The following CFAP20DC variants were observed in gnomAD, a reference collection of about 807,000 sequenced individuals.
CFAP20DC encodes the protein protein CFAP20DC.
In CFAP20DC, 84 loss-of-function variants were observed where a neutral mutation model predicts 101.7. That is an observed-to-expected ratio of 0.83 (90% CI 0.69 to 0.99). CFAP20DC has a LOEUF of 0.99. CFAP20DC is among the 50% of genes least tolerant of loss of function. CFAP20DC has a pLI of 0.00. For synonymous variants in CFAP20DC, 359 were observed against 351.2 expected, an observed-to-expected ratio of 1.02 and a Z score of -0.25; for missense variants, 1,007 against 970.3, an observed-to-expected ratio of 1.04 and a Z score of -0.50.
intron 4 of CFAP20DC, among the ~76,000 whole-genome samples, chr3:58,996,994 C>T (rs991663253): frequency 6.6e-6 from 1 of 152,186 alleles, no homozygotes; most frequent in Non-Finnish European, 1.5e-5. Flanking sequence ...TGGTGGGAAG[C>T]ACTCCAGGAG....
rs1447076257 is a variant in CFAP20DC, at chr3:58,933,648, T to G, written c.393+4000A>C. ...CAAAACCACTCAACTACATGGAAAC[T>G]GAACAACCTGCTCCTGAATGACTAC... is the stretch of plus-strand genomic sequence containing the variant. On this transcript the variant is annotated intron_variant, in intron 5 of 16. Coordinates refer to ENST00000482387, the MANE Select transcript of CFAP20DC (RefSeq NM_001394063.1). Among the ~76,000 whole-genome samples the G allele has an allele frequency of 3.3e-5, 5 of 152,226 alleles. No individual in the cohort carries two copies. The South Asian group carries it at 8.3e-4, about 25-fold the overall frequency.
chr3:58,979,415 T>G (rs1257132811), intron 4 of CFAP20DC, among the ~76,000 whole-genome samples: 1 of 152,238 alleles, frequency 6.6e-6, no homozygotes, highest in Non-Finnish European at 1.5e-5. Context: ...GTGCACTATG[T>G]GTTAGCTGTT....
At chr3:59,000,310 G>A (rs2093273490) in intron 4 of CFAP20DC, among the ~76,000 whole-genome samples, 1 of 152,170 alleles carries the variant, frequency 6.6e-6, no homozygotes, top group African/African-American at 2.4e-5. Context: ...GGCCAGGAGT[G>A]GGTATGGATA....
chr3:58,821,063 A>C (rs2107913061), intron 14 of CFAP20DC, among the ~76,000 whole-genome samples: 1 of 151,930 alleles, frequency 6.6e-6, no homozygotes, highest in East Asian at 1.9e-4. Flanking sequence ...CTATTTAATA[A>C]ATGGTGCTGG....
At chr3:58,994,559 T>C (rs2093050463) in intron 4 of CFAP20DC, among the ~76,000 whole-genome samples, 1 of 152,148 alleles carries the variant, frequency 6.6e-6, no homozygotes, top group Non-Finnish European at 1.5e-5. Context: ...CTTCTCCTCG[T>C]CAAATAACAA....
Position 58,814,794 on chromosome 3 carries a change from C to T in CFAP20DC, c.2176-8338G>A, listed in dbSNP as rs808474. 4.9e-4 allele frequency among the ~76,000 whole-genome samples: 74 copies of T among 150,892 alleles called. 1 individual carries two copies. The highest frequency in any genetic ancestry group is 1.4e-3 in the African/African-American group (56 of 40,540). Reference sequence around the variant, plus strand: ...AGAAGAAAATACCTAGGAATCCAACCTACAAGGGATGTGAAGGACCTCTTC... The same window carrying T: ...AGAAGAAAATACCTAGGAATCCAACTTACAAGGGATGTGAAGGACCTCTTC... On this transcript the variant is annotated intron_variant, in intron 14 of 16. Transcript: ENST00000482387.
intron 14 of CFAP20DC, among the ~76,000 whole-genome samples, chr3:58,816,288 C>T (rs373634311): frequency 1.3e-5 from 2 of 152,112 alleles, no homozygotes; most frequent in Non-Finnish European, 2.9e-5. Flanking sequence ...CGGGGAGGAG[C>T]CAAGATGGCC....
intron 4 of CFAP20DC, among the ~76,000 whole-genome samples, chr3:59,026,614 T>C (rs553877973): frequency 2.6e-5 from 4 of 152,256 alleles, no homozygotes; most frequent in South Asian, 4.1e-4. Flanking sequence ...CCAGTGGCTT[T>C]AAAGAGGCTG....
chr3:58,801,624 GAA>G (rs1038318465), intron 15 of CFAP20DC, among the ~76,000 whole-genome samples: 2 of 143,898 alleles, frequency 1.4e-5, no homozygotes, highest in African/African-American at 2.5e-5. Context: ...AACTGGAGAG[GAA>G]AAAAAAAAAC....
intron 15 of CFAP20DC, among the ~76,000 whole-genome samples, chr3:58,792,736 A>G (rs778792999): frequency 2.6e-5 from 4 of 151,752 alleles, no homozygotes; most frequent in Non-Finnish European, 4.4e-5. Context: ...TAAATACTCC[A>G]TGAGTTCAAC....
At chr3:59,048,373 G>A (rs962303221) in intron 1 of CFAP20DC, among the ~76,000 whole-genome samples, 7 of 152,132 alleles carry the variant, frequency 4.6e-5, no homozygotes, top group Non-Finnish European at 7.4e-5. Flanking sequence ...GCAGTATTAC[G>A]TGCAAACTGT....
intron 2 of CFAP20DC, 25 bp from the exon 3 acceptor site, chr3:59,046,347 G>C: frequency 7.4e-7 from 1 of 1,349,572 alleles, no homozygotes; most frequent in Non-Finnish European, 1.0e-6. Flanking sequence ...GAAAACAGTA[G>C]TTATCACAGG....
intron 13 of CFAP20DC, among the ~76,000 whole-genome samples, chr3:58,833,197 A>C (rs1386766130): frequency 7.9e-5 from 12 of 152,170 alleles, no homozygotes; most frequent in Non-Finnish European, 1.3e-4. Context: ...TTATCTGATA[A>C]TGTGATGTGG....
chr3:58,733,806 G>A (rs900056032), intron 3 of CFAP20DC, among the ~76,000 whole-genome samples: 1 of 152,286 alleles, frequency 6.6e-6, no homozygotes, highest in Non-Finnish European at 1.5e-5. Flanking sequence ...CAAATTCTCA[G>A]GAAATTGTTA....
intron 3 of CFAP20DC, among the ~76,000 whole-genome samples, chr3:59,045,356 T>G (rs552253416): frequency 5.3e-5 from 8 of 152,034 alleles, no homozygotes; most frequent in East Asian, 1.9e-4. Context: ...TTCTAATGAA[T>G]GAAAGAAGGA....
chr3:58,866,914 T>C (rs2079742281), intron 10 of CFAP20DC, among the ~76,000 whole-genome samples: 1 of 152,146 alleles, frequency 6.6e-6, no homozygotes, highest in Non-Finnish European at 1.5e-5. Context: ...AGGGATATTT[T>C]AGATTAAAGT....
rs6769103 is a variant in CFAP20DC at position 58,815,837 on chromosome 3, A to G, written c.2176-9381T>C. 2.2e-3 allele frequency among the ~76,000 whole-genome samples: 332 copies of G among 150,634 alleles called. 4 individuals are homozygous for G. The highest frequency in any genetic ancestry group is 7.5e-3 in the African/African-American group (307 of 40,824). On this transcript the variant is annotated intron_variant, in intron 14 of 16. Coordinates refer to ENST00000482387, the MANE Select transcript of CFAP20DC (RefSeq NM_001394063.1). ...ACCATCTCACACCAGTTAGAATGGC[A>G]ATCATTAAAAAGTCAGGAAACAACA...
intron 4 of CFAP20DC, among the ~76,000 whole-genome samples, chr3:59,013,280 C>G (rs1178437051): frequency 6.6e-6 from 1 of 152,066 alleles, no homozygotes; most frequent in Non-Finnish European, 1.5e-5. Flanking sequence ...AATGGAGGAG[C>G]GTTTGTCACA....
intron 4 of CFAP20DC, among the ~76,000 whole-genome samples, chr3:59,028,035 C>T (rs1011219582): frequency 6.6e-6 from 1 of 152,154 alleles, no homozygotes; most frequent in African/African-American, 2.4e-5. Flanking sequence ...GACACCTCGA[C>T]CCTGAAAATG....
Sources: allele counts gnomAD v4.1 joint callset (sites outside exome capture counted in the v4.1 genomes callset), GRCh38; gene constraint gnomAD v4.1.1; transcripts MANE v1.5; gene names NCBI Gene and HGNC (gene_info 2026-07-23, HGNC 2026-07-21).